Variants in SNX29 observed in about 807,000 individuals in gnomAD.
The protein encoded by SNX29 is sorting nexin-29.
A neutral mutation model predicts 102.1 loss-of-function variants in SNX29; 78 were observed. The observed-to-expected ratio is 0.76, with a 90% CI of 0.64 to 0.92. The LOEUF (loss-of-function observed/expected upper bound fraction) is 0.92. SNX29 is among the 40% of genes least tolerant of loss of function. SNX29 has a pLI of 0.00. For synonymous variants in SNX29, 580 were observed against 414.5 expected, an observed-to-expected ratio of 1.40 and a Z score of -4.85; for missense variants, 1,280 against 1,061.7, an observed-to-expected ratio of 1.21 and a Z score of -2.86.
At chr16:12,015,675 AC>A (rs1453631893) in intron 3 of SNX29, among the ~76,000 whole-genome samples, 2 of 149,440 alleles carry the variant, frequency 1.3e-5, no homozygotes, top group African/African-American at 5.0e-5. Flanking sequence ...AGCTGGGACT[AC>A]ACGCGCCCGC....
intron 15 of SNX29, among the ~76,000 whole-genome samples, chr16:12,331,703 C>T (rs1488896131): frequency 6.6e-6 from 1 of 152,070 alleles, no homozygotes; most frequent in East Asian, 1.9e-4. Flanking sequence ...AGGCGCCCGC[C>T]TCCACACCTG....
intron 4 of SNX29, among the ~76,000 whole-genome samples, chr16:12,031,072 C>G (rs2057328421): frequency 6.6e-6 from 1 of 151,698 alleles, no homozygotes; most frequent in South Asian, 2.1e-4. Flanking sequence ...TGATTCAGTT[C>G]TGTATTTTTT....
intron 20 of SNX29, among the ~76,000 whole-genome samples, chr16:12,541,730 C>G (rs779807110): frequency 1.2e-4 from 19 of 152,168 alleles, no homozygotes; most frequent in East Asian, 1.9e-4. Context: ...CACCTCCTGT[C>G]TTTTCCGTAC....
rs2079215803 is a variant in SNX29 at position 12,572,789 on chromosome 16, C to CT, written c.*4162dup. 2 of 1,063,744 alleles carry CT rather than the reference C, an allele frequency of 1.9e-6. No homozygotes were observed. Among genetic ancestry groups the CT allele is most frequent in the East Asian group, 1.0e-4 (2 of 19,876 alleles). The allele number at this position is 1,063,744 out of a possible 1,614,324, so 65.9% of individuals were successfully genotyped here. A position where few individuals can be genotyped will look rare whatever the true frequency, so the allele number is the denominator to read the frequency against. On this transcript the variant is annotated 3_prime_UTR_variant, in exon 21 of 21. Transcript: ENST00000566228. ...CGAGGAAGACCCCACCTCACTCCTC[C>CT]TTCCCCAGTACATCAGACTGGTTAG...
At chr16:12,542,938 C>T (rs941720886) in intron 20 of SNX29, among the ~76,000 whole-genome samples, 1 of 152,144 alleles carries the variant, frequency 6.6e-6, no homozygotes, top group Non-Finnish European at 1.5e-5. Flanking sequence ...TAGAGCCCTA[C>T]TTCAAATTAG....
intron 14 of SNX29, among the ~76,000 whole-genome samples, chr16:12,225,527 T>C (rs1021953719): frequency 3.3e-5 from 5 of 152,202 alleles, no homozygotes; most frequent in East Asian, 1.9e-4. Flanking sequence ...TGCTCCTCCT[T>C]CTGCCATGAT....
At chr16:12,015,704 T>G (rs1403153368) in intron 3 of SNX29, among the ~76,000 whole-genome samples, 3 of 138,860 alleles carry the variant, frequency 2.2e-5, no homozygotes, top group Non-Finnish European at 3.1e-5. Context: ...CCCGGCTAAC[T>G]TTTTGTATTT....
intron 18 of SNX29, among the ~76,000 whole-genome samples, chr16:12,440,525 CATT>C (rs1208678674): frequency 6.6e-6 from 1 of 152,152 alleles, no homozygotes; most frequent in Non-Finnish European, 1.5e-5. Flanking sequence ...TAGCTGTACA[CATT>C]ATTTCTTCAC....
intron 11 of SNX29, among the ~76,000 whole-genome samples, chr16:12,112,663 C>A (rs180915903): frequency 4.1e-4 from 62 of 152,292 alleles, no homozygotes; most frequent in Middle Eastern, 3.4e-3. Flanking sequence ...GACAGCTTGT[C>A]TGAGCTGGGT....
At chr16:12,552,713 C>G (rs532442395) in intron 20 of SNX29, among the ~76,000 whole-genome samples, 2 of 152,292 alleles carry the variant, frequency 1.3e-5, no homozygotes, top group East Asian at 1.9e-4. Context: ...GATTGGGGGA[C>G]TGATAGAAGA....
chr16:12,084,523 T>C (rs907757721), intron 11 of SNX29, among the ~76,000 whole-genome samples: 22 of 152,164 alleles, frequency 1.4e-4, no homozygotes, highest in Non-Finnish European at 2.5e-4. Flanking sequence ...AGTTCTTGTT[T>C]CGGGCACACG....
chr16:12,059,313 G>A (rs913331478), intron 8 of SNX29, among the ~76,000 whole-genome samples: 9 of 152,266 alleles, frequency 5.9e-5, no homozygotes, highest in South Asian at 2.1e-4. Context: ...TCTGGGTGCC[G>A]GCTCCGTGGT....
At chr16:12,558,488 G>C (rs1193079968) in intron 20 of SNX29, among the ~76,000 whole-genome samples, 2 of 152,190 alleles carry the variant, frequency 1.3e-5, no homozygotes, top group African/African-American at 4.8e-5. Flanking sequence ...TAAGCACAGT[G>C]CATCTTTAGT....
chr16:12,488,748 C>G (rs1439074897), intron 19 of SNX29, among the ~76,000 whole-genome samples: 2 of 152,200 alleles, frequency 1.3e-5, no homozygotes, highest in Non-Finnish European at 2.9e-5. Flanking sequence ...CTGATACTTG[C>G]AGGAATTTCC....
intron 13 of SNX29, among the ~76,000 whole-genome samples, chr16:12,175,344 G>A (rs1307698080): frequency 6.6e-6 from 1 of 152,026 alleles, no homozygotes; most frequent in Non-Finnish European, 1.5e-5. Flanking sequence ...GTGAAATGAG[G>A]TCATAAGTGG....
At chr16:12,355,698 T>A (rs191685816) in intron 15 of SNX29, among the ~76,000 whole-genome samples, 1 of 152,188 alleles carries the variant, frequency 6.6e-6, no homozygotes, top group Non-Finnish European at 1.5e-5. Context: ...TATCGAATAA[T>A]TCAATTTGGA....
At chr16:12,069,667 A>ATATCTG (rs1359336751) in intron 10 of SNX29, among the ~76,000 whole-genome samples, 3 of 152,052 alleles carry the variant, frequency 2.0e-5, no homozygotes, top group African/African-American at 7.2e-5. Flanking sequence ...CTTTTGGGGC[A>ATATCTG]TATCTGGGTG....
At chr16:12,432,113 G>C (rs932800258) in intron 18 of SNX29, among the ~76,000 whole-genome samples, 2 of 152,244 alleles carry the variant, frequency 1.3e-5, no homozygotes, top group Non-Finnish European at 2.9e-5. Flanking sequence ...CGAGGACACA[G>C]GGGTGGAGGC....
intron 1 of SNX29, among the ~76,000 whole-genome samples, chr16:11,993,025 C>T (rs1227275483): frequency 1.3e-5 from 2 of 151,796 alleles, no homozygotes; most frequent in East Asian, 1.9e-4. Context: ...ATTAGCCAAG[C>T]GTGGTGGTGG....
Sources: allele counts gnomAD v4.1 joint callset (sites outside exome capture counted in the v4.1 genomes callset), GRCh38; gene constraint gnomAD v4.1.1; transcripts MANE v1.5; gene names NCBI Gene and HGNC (gene_info 2026-07-23, HGNC 2026-07-21).